DPYD: variants seen among roughly 807,000 people sequenced by gnomAD.
DPYD encodes dihydropyrimidine dehydrogenase, also known as dihydropyrimidine dehydrogenase [NADP(+)].
DPYD carries 109 observed loss-of-function variants against 116.2 expected under a neutral mutation model. The ratio of observed to expected loss-of-function variants is 0.94; its 90% CI spans 0.80 to 1.10. The LOEUF (loss-of-function observed/expected upper bound fraction) is 1.10. Among genes scored for constraint, DPYD ranks in the 50% least tolerant of loss-of-function variants. The pLI is 0.00. For missense variants in DPYD, 1,302 were observed against 1,254.5 expected, an observed-to-expected ratio of 1.04 and a Z score of -0.57; for synonymous variants, 440 against 432.0, an observed-to-expected ratio of 1.02 and a Z score of -0.23.
At chr1:97,821,114 T>C (rs1668904410) in intron 3 of DPYD, among the ~76,000 whole-genome samples, 1 of 152,160 alleles carries the variant, frequency 6.6e-6, no homozygotes, top group Non-Finnish European at 1.5e-5. Flanking sequence ...GCAGATCACC[T>C]GAGGTCAGGA....
intron 8 of DPYD, among the ~76,000 whole-genome samples, chr1:97,643,875 T>A (rs766994907): frequency 1.3e-5 from 2 of 151,220 alleles, no homozygotes; most frequent in Non-Finnish European, 2.9e-5. Flanking sequence ...TAAGTGGGAG[T>A]TGAACAATGA....
chr1:97,264,804 AC>A (rs71071642), intron 18 of DPYD, among the ~76,000 whole-genome samples: 53,852 of 151,832 alleles, frequency 0.35, 9,811 homozygotes, highest in African/African-American at 0.37. Flanking sequence ...GCTGACTACA[AC>A]CTTTTTGCTG....
intron 3 of DPYD, among the ~76,000 whole-genome samples, chr1:97,799,761 A>G (rs944322738): frequency 2.0e-5 from 3 of 152,036 alleles, no homozygotes; most frequent in Non-Finnish European, 4.4e-5. Flanking sequence ...ATAATCTTCA[A>G]TAAATGCAGG....
chr1:97,186,710 G>A (rs939394639), intron 20 of DPYD, among the ~76,000 whole-genome samples: 1 of 152,062 alleles, frequency 6.6e-6, no homozygotes, highest in Non-Finnish European at 1.5e-5. Flanking sequence ...TTAGCTGGGC[G>A]TGGTGGCAGA....
intron 1 of DPYD, among the ~76,000 whole-genome samples, chr1:97,899,101 G>GTT (rs200811669): frequency 1.4e-5 from 2 of 144,156 alleles, no homozygotes; most frequent in Non-Finnish European, 1.5e-5. Flanking sequence ...GTTTTGTTTT[G>GTT]TTTTTTTTTT....
In DPYD at chr1:97,525,109, C is replaced by A. The variant is rs189555282; in HGVS notation, c.1525-9168G>T. On this transcript the variant is annotated intron_variant, in intron 12 of 22. Transcript: ENST00000370192. ...ATTACGTTTCTCATCTCCACTACTACCTCCTGGTCTAAGCATGGTTATCTC... is the reference window on the plus strand; with the variant it reads ...ATTACGTTTCTCATCTCCACTACTAACTCCTGGTCTAAGCATGGTTATCTC... 4.4e-4 allele frequency among the ~76,000 whole-genome samples: 67 copies of A among 152,300 alleles called. No homozygotes were observed. The East Asian group carries it at 9.1e-3, about 21-fold the overall frequency.
intron 16 of DPYD, among the ~76,000 whole-genome samples, chr1:97,351,749 T>A (rs115731436): frequency 1.5e-4 from 23 of 152,064 alleles, no homozygotes; most frequent in Admixed American, 9.8e-4. Flanking sequence ...AAATCAAACG[T>A]GTTTCAGGAG....
chr1:97,395,802 C>T (rs1462841437), intron 14 of DPYD, among the ~76,000 whole-genome samples: 1 of 151,958 alleles, frequency 6.6e-6, no homozygotes, highest in Non-Finnish European at 1.5e-5. Context: ...TGCTTTTCTG[C>T]TTACTCTCTT....
chr1:97,311,322 G>A (rs1244980570), intron 16 of DPYD, among the ~76,000 whole-genome samples: 1 of 151,688 alleles, frequency 6.6e-6, no homozygotes, highest in Admixed American at 6.6e-5. Flanking sequence ...TGAGAAAAAT[G>A]GGCAAAACTT....
chr1:97,908,776 G>A (rs1673774503), intron 1 of DPYD, among the ~76,000 whole-genome samples: 1 of 152,052 alleles, frequency 6.6e-6, no homozygotes, highest in Non-Finnish European at 1.5e-5. Context: ...AATCCATGGA[G>A]CGTATCACTG....
At chr1:97,218,110 A>C (rs11811238) in intron 19 of DPYD, among the ~76,000 whole-genome samples, 3,652 of 152,302 alleles carry the variant, frequency 0.024, 120 homozygotes, top group African/African-American at 0.078. Context: ...CCACATCTGT[A>C]TACATAATGA....
chr1:97,668,520 T>G (rs1659686642), intron 8 of DPYD, among the ~76,000 whole-genome samples: 1 of 152,132 alleles, frequency 6.6e-6, no homozygotes, highest in African/African-American at 2.4e-5. Flanking sequence ...CTTTTCTAAA[T>G]ATATAATAAC....
At chr1:97,410,055 C>A (rs868429459) in intron 14 of DPYD, among the ~76,000 whole-genome samples, 2 of 149,652 alleles carry the variant, frequency 1.3e-5, no homozygotes, top group African/African-American at 4.9e-5. Flanking sequence ...GGTAGAGCAA[C>A]AATCTGTCTC....
rs1667172110 is a variant in DPYD, at chr1:97,306,375, C to G, written c.2059-78G>C. The stretch of plus-strand genomic sequence containing the variant: ...AATGTGTACTGGAACAACAGCAAAG[C>G]TGGAGACGTGCAAGACAAATCCAAC... On this transcript the variant is annotated intron_variant, in intron 16 of 22. Transcript: ENST00000370192. The G allele has an allele frequency of 1.9e-6, 3 of 1,588,770 alleles. No individual in the cohort carries two copies. In the South Asian group the frequency reaches 3.3e-5, roughly 18 times the overall value.
intron 12 of DPYD, among the ~76,000 whole-genome samples, chr1:97,523,088 C>T (rs1302616483): frequency 6.6e-6 from 1 of 152,040 alleles, no homozygotes; most frequent in African/African-American, 2.4e-5. Context: ...CTGGACATCA[C>T]CATGACCTCT....
At chr1:97,693,103 A>G (rs1221517878) in intron 6 of DPYD, among the ~76,000 whole-genome samples, 1 of 151,892 alleles carries the variant, frequency 6.6e-6, no homozygotes, top group Non-Finnish European at 1.5e-5. Flanking sequence ...ATCCTGGCTA[A>G]CACGGTGAAA....
In DPYD at chr1:97,136,119, G is replaced by T. The variant is rs549550689; in HGVS notation, c.2623-37487C>A. ...GCCTCCCTGTTGCCAGTCTGATGTT[G>T]TTTGATGCCAATCCATTTATTCACT... On this transcript the variant is annotated intron_variant, in intron 20 of 22. Coordinates refer to ENST00000370192, the MANE Select transcript of DPYD (RefSeq NM_000110.4). Among the ~76,000 whole-genome samples the T allele has an allele frequency of 4.6e-5, 7 of 152,262 alleles. No individual in the cohort carries two copies. The East Asian group carries it at 1.2e-3, about 25-fold the overall frequency.
chr1:97,476,322 G>T (rs1677959023), intron 13 of DPYD, among the ~76,000 whole-genome samples: 1 of 152,110 alleles, frequency 6.6e-6, no homozygotes, highest in Admixed American at 6.6e-5. Context: ...ATATATGTGT[G>T]ATTATAAAAT....
chr1:97,721,328 T>C (rs1393158259), intron 5 of DPYD, among the ~76,000 whole-genome samples, 182 bp downstream of exon 5: 2 of 151,790 alleles, frequency 1.3e-5, no homozygotes, highest in Admixed American at 6.6e-5. Context: ...TATGGTTTTA[T>C]ACACTTCCTT....
Sources: allele counts gnomAD v4.1 joint callset (sites outside exome capture counted in the v4.1 genomes callset), GRCh38; gene constraint gnomAD v4.1.1; transcripts MANE v1.5; gene names NCBI Gene and HGNC (gene_info 2026-07-23, HGNC 2026-07-21).